The following EYA3 variants were observed in gnomAD, a reference collection of about 807,000 sequenced individuals.
The protein encoded by EYA3 is EYA transcriptional coactivator and phosphatase 3.
EYA3 carries 39 observed loss-of-function variants against 80.0 expected under a neutral mutation model. That is an observed-to-expected ratio of 0.49 (90% CI 0.38 to 0.64). The LOEUF is 0.64. EYA3 is among the 30% of genes least tolerant of loss of function. The pLI is 0.00. For synonymous variants in EYA3, 206 were observed against 232.8 expected, an observed-to-expected ratio of 0.88 and a Z score of 1.05; for missense variants, 523 against 676.1, an observed-to-expected ratio of 0.77 and a Z score of 2.51.
Position 27,974,322 on chromosome 1 carries a change from G to GGAGAGAGAGAAAGAGAGAAAGA in EYA3, c.*122_*143dup. ...GAGAGGAAGGGAGGGAGGGAGAGAG[G>GGAGAGAGAGAAAGAGAGAAAGA]GAGAGAGAGAAAGAGAGAAAGAGAG... On this transcript the variant is annotated 3_prime_UTR_variant, in exon 18 of 18. Coordinates refer to ENST00000373871, the MANE Select transcript of EYA3 (RefSeq NM_001990.4). 2.0e-6 allele frequency: 1 copy of GGAGAGAGAGAAAGAGAGAAAGA among 501,876 alleles called. No individual in the cohort carries two copies. Among genetic ancestry groups the GGAGAGAGAGAAAGAGAGAAAGA allele is most frequent in the Non-Finnish European group, 3.6e-6 (1 of 278,954 alleles). The allele number at this position is 501,876 out of a possible 1,614,324, so 31.1% of individuals were successfully genotyped here. A position where few individuals can be genotyped will look rare whatever the true frequency, so the allele number is the denominator to read the frequency against.
intron 16 of EYA3, among the ~76,000 whole-genome samples, chr1:27,980,982 G>A (rs1000161413): frequency 6.6e-6 from 1 of 152,168 alleles, no homozygotes; most frequent in African/African-American, 2.4e-5. Context: ...GGTTAAGGTT[G>A]CAATGGGCTA....
At chr1:28,003,264 C>T (rs555681661) in intron 11 of EYA3, among the ~76,000 whole-genome samples, 5 of 136,452 alleles carry the variant, frequency 3.7e-5, no homozygotes, top group Admixed American at 7.7e-5. Flanking sequence ...AGCGAGACTC[C>T]GTCTCAAACA....
intron 11 of EYA3, among the ~76,000 whole-genome samples, chr1:28,002,474 G>A (rs2148762667): frequency 6.6e-6 from 1 of 151,390 alleles, no homozygotes; most frequent in South Asian, 2.1e-4. Flanking sequence ...TAGTTATATA[G>A]CTTATGTCAG....
intron 14 of EYA3, 36 bp downstream of exon 14, chr1:27,993,364 A>C (rs1156501210): frequency 6.3e-7 from 1 of 1,591,264 alleles, no homozygotes; most frequent in African/African-American, 1.4e-5. Flanking sequence ...AACCAGGAAG[A>C]AACAGAGAAT....
At chr1:28,057,051 A>ACTT (rs1358303067) in intron 2 of EYA3, among the ~76,000 whole-genome samples, 2 of 152,286 alleles carry the variant, frequency 1.3e-5, no homozygotes, top group East Asian at 3.9e-4. Flanking sequence ...ACCAGTTGCT[A>ACTT]ATGTCTTCCT....
At position 28,072,154 on chromosome 1, in the gene EYA3, G is replaced by A. The variant is rs549502628; in HGVS notation, c.-68-14060C>T. Among the ~76,000 whole-genome samples the A allele has an allele frequency of 2.6e-5, 4 of 152,082 alleles. No individual in the cohort carries two copies. The East Asian group carries it at 7.7e-4, about 29-fold the overall frequency. ...ATATAAAGCATTTTGGGACAGATAG[G>A]AACTGAAAAAATAGTCTTGCAAAAA... On this transcript the variant is annotated intron_variant, in intron 1 of 17. Transcript: ENST00000373871.
chr1:28,057,933 TA>T, intron 2 of EYA3, 60 bp downstream of exon 2: 2 of 986,780 alleles, frequency 2.0e-6, no homozygotes, highest in Non-Finnish European at 3.0e-6. Flanking sequence ...GAATAATAAT[TA>T]AAATCTCTTA....
intron 1 of EYA3, among the ~76,000 whole-genome samples, chr1:28,068,480 A>G (rs916830832): frequency 2.6e-5 from 4 of 152,118 alleles, no homozygotes; most frequent in African/African-American, 9.7e-5. Context: ...TTTTAAATTT[A>G]AACTCAAAAT....
At chr1:28,040,862 G>T (rs1003664348) in intron 4 of EYA3, among the ~76,000 whole-genome samples, 1 of 151,650 alleles carries the variant, frequency 6.6e-6, no homozygotes, top group Non-Finnish European at 1.5e-5. Context: ...GGCAGGGGGG[G>T]GTCGGGGGAG....
intron 16 of EYA3, among the ~76,000 whole-genome samples, chr1:27,983,463 G>A (rs1357940163): frequency 6.6e-6 from 1 of 152,208 alleles, no homozygotes; most frequent in Non-Finnish European, 1.5e-5. Context: ...CTGATGGTTG[G>A]AGAATGTACC....
rs548568119 is a variant in EYA3 at position 28,044,189 on chromosome 1, A to G, written c.78-1539T>C. 2.0e-5 allele frequency among the ~76,000 whole-genome samples: 3 copies of G among 152,262 alleles called. No individual in the cohort carries two copies. In the East Asian group the frequency reaches 5.8e-4, roughly 29 times the overall value. On this transcript the variant is annotated intron_variant, in intron 3 of 17. Coordinates refer to ENST00000373871, the MANE Select transcript of EYA3 (RefSeq NM_001990.4). Reference sequence around the variant, plus strand: ...CTCTTTTCCATCTCCTCTACTTTTCATTCTTCAGTTATTATGTCCCATTAT... The same window carrying G: ...CTCTTTTCCATCTCCTCTACTTTTCGTTCTTCAGTTATTATGTCCCATTAT...
rs1639908087 is a variant in EYA3, at chr1:27,989,780, C to T, written c.1335G>A (p.Leu445=). Residue 445 remains leucine (L), a synonymous_variant, in exon 15 of 18, where the codon CTG becomes CTA. Transcript: ENST00000373871. The stretch of plus-strand genomic sequence containing the variant: ...CTTCAATTTCTGCTCTTAATCTCTG[C>T]AGTGCTTCCTTCCTCTGGGGACTGA... The part of the protein sequence containing the change: ...GLLSPQRKEA[L]QRLRAEIEVL... 2 of 1,611,170 alleles carry T rather than the reference C, an allele frequency of 1.2e-6. No individual in the cohort carries two copies. Among genetic ancestry groups the T allele is most frequent in the East Asian group, 4.5e-5 (2 of 44,614 alleles).
At position 27,993,334 on chromosome 1, in the gene EYA3, C is replaced by T. The variant is rs1479721283; in HGVS notation, c.1303+66G>A. 6 of 1,504,194 alleles carry T rather than the reference C, an allele frequency of 4.0e-6. 1 individual carries two copies. In the Admixed American group the frequency reaches 6.2e-5, roughly 15 times the overall value. The allele number at this position is 1,504,194 out of a possible 1,614,324, so 93.2% of individuals were successfully genotyped here. A position where few individuals can be genotyped will look rare whatever the true frequency, so the allele number is the denominator to read the frequency against. On this transcript the variant is annotated intron_variant, in intron 14 of 17. Coordinates refer to ENST00000373871, the MANE Select transcript of EYA3 (RefSeq NM_001990.4). Reference sequence around the variant, plus strand: ...AGTTGTCATGGGGAATCTAAGGAATCCCTGGAAAGAAAAGGAGGAAACCAG... The same window carrying T: ...AGTTGTCATGGGGAATCTAAGGAATTCCTGGAAAGAAAAGGAGGAAACCAG...
At chr1:28,057,565 T>C (rs1644476981) in intron 2 of EYA3, among the ~76,000 whole-genome samples, 1 of 152,114 alleles carries the variant, frequency 6.6e-6, no homozygotes, top group East Asian at 1.9e-4. Context: ...CAATATAGTC[T>C]CTAGGGTTTT....
chr1:28,053,153 CAAAAAAAAAAAAAAAAAA>C (rs34075939), intron 2 of EYA3, among the ~76,000 whole-genome samples: 19 of 72,510 alleles, frequency 2.6e-4, no homozygotes, highest in Non-Finnish European at 2.2e-4. Context: ...GACCCCGTCT[CAAAAAAAAAAAAAAAAAA>C]AAAAAAACAG....
At chr1:28,019,243 A>G (rs1308878012) in intron 7 of EYA3, among the ~76,000 whole-genome samples, 4 of 152,228 alleles carry the variant, frequency 2.6e-5, no homozygotes, top group Non-Finnish European at 4.4e-5. Flanking sequence ...TATTTTCTAT[A>G]GCACGTTTTG....
chr1:27,976,556 T>TGATCCCAC (rs1281029770), intron 17 of EYA3, among the ~76,000 whole-genome samples: 1 of 152,192 alleles, frequency 6.6e-6, no homozygotes, highest in Non-Finnish European at 1.5e-5. Flanking sequence ...ACAGCTTGGT[T>TGATCCCAC]GATCCCACGG....
At chr1:28,031,240 C>T (rs1418906777) in intron 6 of EYA3, among the ~76,000 whole-genome samples, 4 of 152,170 alleles carry the variant, frequency 2.6e-5, no homozygotes, top group African/African-American at 7.2e-5. Context: ...TCACTGTAGA[C>T]CTGGCTCTTC....
chr1:28,073,186 G>A (rs1363085824), intron 1 of EYA3, among the ~76,000 whole-genome samples: 1 of 124,006 alleles, frequency 8.1e-6, no homozygotes, highest in Non-Finnish European at 1.6e-5. Flanking sequence ...AGGCTGGAGT[G>A]CAGTGGCGTG....
Sources: gnomAD v4.1 joint callset for allele counts (sites outside exome capture counted in the v4.1 genomes callset) on GRCh38, gnomAD v4.1.1 for gene constraint, MANE v1.5 for transcripts, NCBI Gene and HGNC (gene_info 2026-07-23, HGNC 2026-07-21) for gene names.